Variants in N4BP2 observed in about 807,000 individuals in gnomAD.
N4BP2 encodes the protein NEDD4-binding protein 2.
In N4BP2, 91 loss-of-function variants were observed where a neutral mutation model predicts 152.8. The ratio of observed to expected loss-of-function variants is 0.60; its 90% CI spans 0.50 to 0.71. The LOEUF is 0.71. N4BP2 is among the 30% of genes least tolerant of loss of function. N4BP2 has a pLI of 0.00. For synonymous variants in N4BP2, 646 were observed against 705.3 expected (o/e 0.92, Z 1.33); for missense variants, 1,923 against 2,059.1 (o/e 0.93, Z 1.28).
At position 40,120,671 on chromosome 4, in the gene N4BP2, TCA is replaced by T; in HGVS notation, c.2563_2564del (p.Gln855ValfsTer2). The T allele has an allele frequency of 6.2e-7, 1 of 1,614,084 alleles. No individual in the cohort carries two copies. Among genetic ancestry groups the T allele is most frequent in the Non-Finnish European group, 8.5e-7 (1 of 1,179,998 alleles). On this transcript the variant is annotated frameshift_variant, in exon 9 of 18. Transcript: ENST00000261435. LOFTEE classifies it high-confidence loss of function. ...PHESVEDGRK[S>X]QCDDASEPLN... Reference sequence around the variant, plus strand: ...TGAAAGTGTAGAGGATGGCAGAAAGTCACAGTGTGATGATGCTTCAGAGCCAC... The same window carrying T: ...TGAAAGTGTAGAGGATGGCAGAAAGTCAGTGTGATGATGCTTCAGAGCCAC...
chr4:40,116,598 A>G (rs1028572156), intron 7 of N4BP2, among the ~76,000 whole-genome samples: 7 of 152,080 alleles, frequency 4.6e-5, no homozygotes, highest in African/African-American at 7.2e-5. Context: ...CTCCCTCTCA[A>G]TTTACATGCT....
chr4:40,070,807 T>C (rs1712087944), intron 1 of N4BP2, among the ~76,000 whole-genome samples: 1 of 151,982 alleles, frequency 6.6e-6, no homozygotes, highest in Admixed American at 6.6e-5. Flanking sequence ...TGTTTTTGAT[T>C]GCTGTGTGGT....
At chr4:40,161,515 C>T (rs890081258), downstream of N4BP2, among the ~76,000 whole-genome samples, 5 of 152,224 alleles carry the variant, frequency 3.3e-5, no homozygotes, top group East Asian at 3.9e-4. Flanking sequence ...GACAATCACA[C>T]GACAGTTGGC....
intron 2 of N4BP2, among the ~76,000 whole-genome samples, chr4:40,092,768 C>G (rs1353925156): frequency 6.6e-6 from 1 of 151,596 alleles, no homozygotes; most frequent in African/African-American, 2.4e-5. Flanking sequence ...CTCAGCCTCC[C>G]AAGTAGCTGG....
At chr4:40,182,629 G>A in the N4BP2 span, among the ~76,000 whole-genome samples, 2 of 150,224 alleles carry the variant, frequency 1.3e-5, no homozygotes, top group African/African-American at 4.9e-5. Flanking sequence ...TTTTTTTTTT[G>A]TAGAGACGAG....
intron 3 of N4BP2, among the ~76,000 whole-genome samples, chr4:40,100,526 C>T (rs1241079925): frequency 6.6e-6 from 1 of 151,998 alleles, no homozygotes; most frequent in East Asian, 1.9e-4. Flanking sequence ...GTACTATACG[C>T]ACATGCTACC....
At position 40,121,165 on chromosome 4, in the gene N4BP2, A is replaced by T. The variant is rs1206173298; in HGVS notation, c.3054A>T (p.Glu1018Asp). 2.6e-5 allele frequency: 42 copies of T among 1,613,986 alleles called. No homozygotes were observed. The highest frequency in any genetic ancestry group is 3.4e-5 in the Non-Finnish European group (40 of 1,180,016). Reference sequence around the variant, plus strand: ...AAGTAGGCATGTGCACCCAGACTGAACCACAGGATTTTGCTCTTTTATGGA... The same window carrying T: ...AAGTAGGCATGTGCACCCAGACTGATCCACAGGATTTTGCTCTTTTATGGA... ...GKEVGMCTQT[E>D]PQDFALLWKI... The change falls in exon 9 of 18, where the codon GAA (glutamate) becomes GAT (aspartate). Residue 1018 changes from glutamate to aspartate, a missense_variant. By Grantham distance (45) the Glu-to-Asp change is conservative. Coordinates refer to ENST00000261435, the MANE Select transcript of N4BP2 (RefSeq NM_018177.6).
At chr4:40,071,638 C>G (rs1391317317) in intron 1 of N4BP2, among the ~76,000 whole-genome samples, 4 of 152,130 alleles carry the variant, frequency 2.6e-5, no homozygotes, top group Non-Finnish European at 5.9e-5. Context: ...GCGATCTCGG[C>G]TCACTGCAAC....
At chr4:40,112,736 T>C (rs762903186) in intron 6 of N4BP2, among the ~76,000 whole-genome samples, 19 of 151,984 alleles carry the variant, frequency 1.3e-4, no homozygotes, top group Non-Finnish European at 2.6e-4. Context: ...GGAGTTTTGC[T>C]CTTGTTGCCC....
intron 3 of N4BP2, 37 bp downstream of exon 3, chr4:40,097,606 TAAG>T: frequency 8.0e-7 from 1 of 1,247,540 alleles, no homozygotes; most frequent in Non-Finnish European, 1.2e-6. Context: ...GTCCATCTTA[TAAG>T]AAGACTTTGT....
intron 1 of N4BP2, among the ~76,000 whole-genome samples, chr4:40,060,587 T>A (rs1578924418): frequency 6.8e-6 from 1 of 147,518 alleles, no homozygotes. Flanking sequence ...TAAATTTATG[T>A]GGCTAAGTAG....
At chr4:40,189,553 G>C in the N4BP2 span, among the ~76,000 whole-genome samples, 19 of 152,288 alleles carry the variant, frequency 1.2e-4, no homozygotes, top group South Asian at 3.9e-3. The surrounding 1 kb of genome is among the most constrained non-coding windows in gnomAD (Gnocchi z 4.3). Context: ...GGTGATACCT[G>C]ATGATCATTA....
Position 40,124,203 on chromosome 4 carries a change from A to C in N4BP2, c.4328A>C (p.Gln1443Pro). 1 of 1,603,682 alleles carries C rather than the reference A, an allele frequency of 6.2e-7. No homozygotes were observed. The highest frequency in any genetic ancestry group is 8.5e-7 in the Non-Finnish European group (1 of 1,172,712). Residue 1443 changes from glutamine to proline, a missense_variant and splice_region_variant, in exon 11 of 18, where the codon CAA (glutamine) becomes CCA (proline). Coordinates refer to ENST00000261435, the MANE Select transcript of N4BP2 (RefSeq NM_018177.6). ...GAGGTGTCTTGTGGCAAGTTTATGC[A>C]AGGTAAAGCACATGTTTTTATTTCT... ...QEEVSCGKFM[Q>P]DPSLVGHTGL...
At chr4:40,125,434 C>G (rs2110004465) in intron 11 of N4BP2, among the ~76,000 whole-genome samples, 1 of 152,284 alleles carries the variant, frequency 6.6e-6, no homozygotes, top group South Asian at 2.1e-4. Context: ...TCTTCTTGGT[C>G]CTTAGAATGG....
chr4:40,066,662 T>C (rs1177708001), intron 1 of N4BP2, among the ~76,000 whole-genome samples: 1 of 152,222 alleles, frequency 6.6e-6, no homozygotes, highest in Admixed American at 6.6e-5. Context: ...GAACATTCTC[T>C]TTCTCTGCTA....
Position 40,121,464 on chromosome 4 carries a change from T to A in N4BP2, c.3353T>A (p.Ile1118Asn), listed in dbSNP as rs776590778. ...KDLYERCNKDIIWATSLLLDS... is the reference protein window; with the variant it reads ...KDLYERCNKDNIWATSLLLDS... ...TTATATGAGAGGTGCAATAAAGATATTATTTGGGCCACAAGCCTTTTGTTG... is the reference window on the plus strand; with the variant it reads ...TTATATGAGAGGTGCAATAAAGATAATATTTGGGCCACAAGCCTTTTGTTG... Residue 1118 changes from isoleucine (I) to asparagine (N), a missense_variant, in exon 9 of 18, where the codon ATT becomes AAT. By Grantham distance (149) the Ile-to-Asn change is moderately radical. Coordinates refer to ENST00000261435, the MANE Select transcript of N4BP2 (RefSeq NM_018177.6). The A allele has an allele frequency of 2.4e-5, 39 of 1,613,904 alleles. No homozygotes were observed. The highest frequency in any genetic ancestry group is 3.1e-5 in the Non-Finnish European group (37 of 1,179,962).
At chr4:40,115,663 G>A (rs1412302118) in intron 7 of N4BP2, among the ~76,000 whole-genome samples, 5 of 152,144 alleles carry the variant, frequency 3.3e-5, no homozygotes, top group Admixed American at 6.6e-5. Flanking sequence ...CTGAACAGAT[G>A]AGTGTTTTGT....
chr4:40,058,220 GCTGT>G (rs543258381), intron 1 of N4BP2, among the ~76,000 whole-genome samples: 5 of 152,268 alleles, frequency 3.3e-5, no homozygotes, highest in Non-Finnish European at 7.4e-5. Flanking sequence ...TCAAACACCA[GCTGT>G]CTTTTGTAAC....
chr4:40,099,472 A>G (rs1261736689), intron 3 of N4BP2, among the ~76,000 whole-genome samples: 2 of 151,364 alleles, frequency 1.3e-5, no homozygotes, highest in Non-Finnish European at 2.9e-5. Flanking sequence ...CTGGTCTCGA[A>G]CTCCTGACCT....
Sources: gnomAD v4.1 joint callset for allele counts (sites outside exome capture counted in the v4.1 genomes callset) on GRCh38, gnomAD v4.1.1 for gene constraint, Gnocchi (gnomAD v3.1) non-coding constraint, MANE v1.5 for transcripts, NCBI Gene and HGNC (gene_info 2026-07-23, HGNC 2026-07-21) for gene names.